The following SLC2A13 variants were observed in gnomAD, a reference collection of about 807,000 sequenced individuals.
SLC2A13 encodes solute carrier family 2 member 13, also known as proton myo-inositol cotransporter.
Under a neutral mutation model 64.4 loss-of-function variants are expected in SLC2A13, and 32 were observed. The ratio of observed to expected loss-of-function variants is 0.50; its 90% CI spans 0.37 to 0.67. SLC2A13 has a LOEUF of 0.67. Among genes scored for constraint, SLC2A13 ranks in the 30% least tolerant of loss-of-function variants. The pLI, the probability that SLC2A13 is intolerant of heterozygous loss-of-function variation, is 0.00. For synonymous variants in SLC2A13, 338 were observed against 327.1 expected (o/e 1.03, Z -0.36); for missense variants, 743 against 829.2 (o/e 0.90, Z 1.28).
intron 3 of SLC2A13, among the ~76,000 whole-genome samples, chr12:39,993,651 C>T (rs1947176446): frequency 6.6e-6 from 1 of 152,184 alleles, no homozygotes; most frequent in Admixed American, 6.5e-5. Flanking sequence ...GATGTAGTCC[C>T]ATCTCTTTTG....
At chr12:39,984,065 A>C (rs1358248432) in intron 3 of SLC2A13, among the ~76,000 whole-genome samples, 3 of 152,070 alleles carry the variant, frequency 2.0e-5, no homozygotes, top group East Asian at 3.9e-4. Context: ...CATTCTCAGT[A>C]AACTATCGCA....
intron 4 of SLC2A13, among the ~76,000 whole-genome samples, chr12:39,909,969 G>A (rs1280530893): frequency 6.6e-6 from 1 of 151,492 alleles, no homozygotes; most frequent in East Asian, 1.9e-4. Flanking sequence ...CCAGGTGAAA[G>A]TAATAAATAA....
chr12:39,938,301 T>G (rs1390143773), intron 4 of SLC2A13, among the ~76,000 whole-genome samples: 1 of 152,072 alleles, frequency 6.6e-6, no homozygotes, highest in Non-Finnish European at 1.5e-5. Flanking sequence ...AGAGAGTAGG[T>G]GTGTTGGGTT....
At chr12:40,014,361 C>T (rs1272337497) in intron 3 of SLC2A13, among the ~76,000 whole-genome samples, 9 of 151,948 alleles carry the variant, frequency 5.9e-5, no homozygotes, top group Non-Finnish European at 2.9e-5. Flanking sequence ...GAAGGTTTTC[C>T]AACTCATAGC....
chr12:39,813,607 C>T (rs893442375), intron 7 of SLC2A13, among the ~76,000 whole-genome samples: 2 of 152,170 alleles, frequency 1.3e-5, no homozygotes, highest in African/African-American at 2.4e-5. Flanking sequence ...ACTGTTCACA[C>T]TTTCCTGGTT....
At chr12:40,025,135 T>G (rs1947782861) in intron 3 of SLC2A13, among the ~76,000 whole-genome samples, 1 of 152,230 alleles carries the variant, frequency 6.6e-6, no homozygotes. Flanking sequence ...AGACATTGGA[T>G]GTCATGCAAA....
chr12:39,778,221 A>T (rs1313090516), intron 7 of SLC2A13, among the ~76,000 whole-genome samples: 1 of 152,190 alleles, frequency 6.6e-6, no homozygotes, highest in Non-Finnish European at 1.5e-5. Context: ...TACTCATTTT[A>T]TAGAGGGCAC....
intron 4 of SLC2A13, among the ~76,000 whole-genome samples, chr12:39,909,953 G>C (rs556367994): frequency 6.6e-6 from 1 of 150,732 alleles, no homozygotes; most frequent in Non-Finnish European, 1.5e-5. Flanking sequence ...TCCTAGTTCC[G>C]TGTTCCCAGG....
At chr12:40,015,360 T>A (rs748339407) in intron 3 of SLC2A13, among the ~76,000 whole-genome samples, 3 of 152,194 alleles carry the variant, frequency 2.0e-5, no homozygotes, top group Non-Finnish European at 2.9e-5. Flanking sequence ...CTGCTGAACC[T>A]AATGGAATTC....
chr12:39,825,208 A>G (rs1301600094), intron 7 of SLC2A13, among the ~76,000 whole-genome samples: 1 of 152,212 alleles, frequency 6.6e-6, no homozygotes, highest in Non-Finnish European at 1.5e-5. Context: ...TAGCAATACT[A>G]TTTTAAATAG....
rs1197193342 is a variant in SLC2A13 at position 40,102,311 on chromosome 12, T to G, written c.556+2942A>C. ...AGTGTTGAATAGATAATGATTTCAT[T>G]AAACTATTACAACCAAAACCTTTAG... On this transcript the variant is annotated intron_variant, in intron 1 of 9. Transcript: ENST00000280871. Among the ~76,000 whole-genome samples the G allele has an allele frequency of 2.6e-5, 4 of 152,232 alleles. No homozygotes were observed. In the East Asian group the frequency reaches 7.7e-4, roughly 29 times the overall value.
intron 1 of SLC2A13, among the ~76,000 whole-genome samples, chr12:40,074,655 T>C (rs1338527688): frequency 6.6e-6 from 1 of 152,180 alleles, no homozygotes; most frequent in Non-Finnish European, 1.5e-5. Flanking sequence ...CCCTGACATA[T>C]CTGAGTTTGA....
chr12:39,871,423 A>T (rs1944050859), intron 5 of SLC2A13, among the ~76,000 whole-genome samples: 1 of 152,144 alleles, frequency 6.6e-6, no homozygotes, highest in African/African-American at 2.4e-5. Context: ...TGTCAAATTT[A>T]AAAATATATG....
At chr12:40,008,456 A>T (rs1332245559) in intron 3 of SLC2A13, among the ~76,000 whole-genome samples, 2 of 151,978 alleles carry the variant, frequency 1.3e-5, no homozygotes, top group Non-Finnish European at 2.9e-5. Context: ...AAATACAAAA[A>T]CAACATTAGC....
chr12:39,785,831 C>A (rs1210066967), intron 7 of SLC2A13, among the ~76,000 whole-genome samples: 2 of 152,182 alleles, frequency 1.3e-5, no homozygotes, highest in Non-Finnish European at 2.9e-5. Flanking sequence ...AATTAGACTG[C>A]CCTGCTGGAT....
chr12:40,018,830 A>G (rs1040586920), intron 3 of SLC2A13, among the ~76,000 whole-genome samples: 1 of 152,030 alleles, frequency 6.6e-6, no homozygotes, highest in Non-Finnish European at 1.5e-5. Flanking sequence ...TCCCACCCAC[A>G]CCATTTTCTC....
intron 1 of SLC2A13, chr12:40,068,370 T>C (rs918526639): frequency 2.9e-6 from 1 of 344,646 alleles, no homozygotes; most frequent in African/African-American, 2.3e-5. Flanking sequence ...ATTACCACTG[T>C]AGTGATGAAC....
At chr12:39,959,907 T>C (rs929210370) in intron 3 of SLC2A13, among the ~76,000 whole-genome samples, 2 of 152,236 alleles carry the variant, frequency 1.3e-5, no homozygotes, top group Non-Finnish European at 2.9e-5. Context: ...TTGCTGCATC[T>C]ACCAACCAAC....
chr12:39,801,544 T>G (rs1488933210), intron 7 of SLC2A13, among the ~76,000 whole-genome samples: 2 of 152,262 alleles, frequency 1.3e-5, no homozygotes, highest in East Asian at 3.9e-4. Context: ...CCATTTAAGA[T>G]TATTTTAAAA....
Sources: allele counts gnomAD v4.1 joint callset (sites outside exome capture counted in the v4.1 genomes callset), GRCh38; gene constraint gnomAD v4.1.1; transcripts MANE v1.5; gene names NCBI Gene and HGNC (gene_info 2026-07-23, HGNC 2026-07-21).